Variants in LPA observed in about 807,000 individuals in gnomAD.
The protein encoded by LPA is apolipoprotein(a).
LPA carries 199 observed loss-of-function variants against 197.9 expected under a neutral mutation model. The observed-to-expected ratio is 1.01, with a 90% CI of 0.90 to 1.13. The LOEUF (loss-of-function observed/expected upper bound fraction) is 1.13. Ranked by LOEUF, LPA falls within the 50% of genes most tolerant of loss-of-function variation. LPA has a pLI of 0.00. For missense variants in LPA, 1,853 were observed against 1,785.8 expected, an observed-to-expected ratio of 1.04 and a Z score of -0.68; for synonymous variants, 715 against 639.5, an observed-to-expected ratio of 1.12 and a Z score of -1.78.
intron 36 of LPA, among the ~76,000 whole-genome samples, chr6:160,538,421 C>G (rs989728718): frequency 6.6e-6 from 1 of 152,160 alleles, no homozygotes; most frequent in African/African-American, 2.4e-5. Context: ...ACTTCCTCCT[C>G]GTGAATGTTA....
At chr6:160,610,878 T>A (rs1384789171) in intron 16 of LPA, among the ~76,000 whole-genome samples, 3 of 152,178 alleles carry the variant, frequency 2.0e-5, no homozygotes, top group African/African-American at 7.2e-5. Context: ...TTGTCCCACA[T>A]GTAGAAACCA....
chr6:160,577,587 A>G (rs941064402), intron 27 of LPA, among the ~76,000 whole-genome samples: 4 of 152,198 alleles, frequency 2.6e-5, no homozygotes, highest in African/African-American at 9.6e-5. Flanking sequence ...GGTTTTCATG[A>G]GAACCACAGG....
Position 160,626,447 on chromosome 6 carries a change from AGTTTGTGT to A in LPA, c.1577+1752_1577+1759del, listed in dbSNP as rs1398553706. Among the ~76,000 whole-genome samples, 9 of 98,512 alleles carry A rather than the reference AGTTTGTGT, an allele frequency of 9.1e-5. No individual in the cohort carries two copies. In the South Asian group the frequency reaches 2.0e-3, roughly 22 times the overall value. The allele number at this position is 98,512 out of a possible 152,430, so 64.6% of individuals were successfully genotyped here. A position where few individuals can be genotyped will look rare whatever the true frequency, so the allele number is the denominator to read the frequency against. On this transcript the variant is annotated intron_variant, in intron 10 of 38. Coordinates refer to ENST00000316300, the MANE Select transcript of LPA (RefSeq NM_005577.4). ...TGTGTGTGAGTATGGGTGTGTTTTC[AGTTTGTGT>A]GTGTGTGTGTGTGTGTGTGTGTAGC...
chr6:160,564,334 G>A (rs575296645), intron 28 of LPA, among the ~76,000 whole-genome samples: 1 of 152,264 alleles, frequency 6.6e-6, no homozygotes, highest in South Asian at 2.1e-4. Flanking sequence ...GCTTAGTTTG[G>A]CTGGATATGA....
intron 28 of LPA, among the ~76,000 whole-genome samples, chr6:160,569,750 A>G (rs1778529390): frequency 6.6e-6 from 1 of 152,218 alleles, no homozygotes; most frequent in Admixed American, 6.5e-5. Flanking sequence ...AAGGGCTAAT[A>G]TCCAGAATCT....
chr6:160,595,634 CTT>C (rs34747443), intron 20 of LPA, 99 bp from the exon 21 acceptor site: 286,481 of 1,560,478 alleles, frequency 0.18, 32,047 homozygotes, highest in East Asian at 0.45. Context: ...TAAAAAGAGA[CTT>C]TGAAATATTT....
rs976479942 is a variant in LPA at position 160,532,453 on chromosome 6, C to T, written c.5961+78G>A. 13 of 1,183,924 alleles carry T rather than the reference C, an allele frequency of 1.1e-5. 1 individual carries two copies. Among genetic ancestry groups the T allele is most frequent in the Non-Finnish European group, 1.6e-5 (13 of 793,336 alleles). 73.3% of individuals were successfully genotyped at this position (1,183,924 alleles called of 1,614,324 possible). A position where few individuals can be genotyped will look rare whatever the true frequency, so the allele number is the denominator to read the frequency against. On this transcript the variant is annotated intron_variant, in intron 38 of 38. Transcript: ENST00000316300. ...CACTGACAAAACCTTCCTGAATTTG[C>T]CACTTTGGGACTGACGTCTAAGGGA... is the stretch of plus-strand genomic sequence containing the variant.
At chr6:160,569,089 A>G (rs544836528) in intron 28 of LPA, among the ~76,000 whole-genome samples, 69 of 152,360 alleles carry the variant, frequency 4.5e-4, no homozygotes, top group African/African-American at 1.4e-3. Flanking sequence ...TGCCATCCCC[A>G]TCAAGCTACC....
intron 4 of LPA, among the ~76,000 whole-genome samples, 165 bp from the exon 5 acceptor site, chr6:160,641,013 A>C (rs1341105778): frequency 7.3e-6 from 1 of 136,654 alleles, no homozygotes; most frequent in Admixed American, 7.1e-5. Flanking sequence ...TCGATCACTA[A>C]TCCTCTCTGC....
intron 24 of LPA, 91 bp downstream of exon 24, chr6:160,589,462 T>G (rs1778981338): frequency 6.9e-7 from 1 of 1,455,260 alleles, no homozygotes; most frequent in East Asian, 2.3e-5. Context: ...TGAGAGAAAT[T>G]GGGTCATAAG....
At chr6:160,542,309 G>C (rs1323115155) in intron 34 of LPA, among the ~76,000 whole-genome samples, 1 of 152,156 alleles carries the variant, frequency 6.6e-6, no homozygotes, top group Non-Finnish European at 1.5e-5. Context: ...GTTTGCTCTT[G>C]TCCTCCCTCA....
chr6:160,552,655 C>T (rs779759571), intron 30 of LPA, among the ~76,000 whole-genome samples: 1 of 152,204 alleles, frequency 6.6e-6, no homozygotes, highest in Non-Finnish European at 1.5e-5. Flanking sequence ...TTAATCACCA[C>T]TCCAGCTTAT....
intron 28 of LPA, 113 bp downstream of exon 28, chr6:160,577,023 A>T: frequency 7.2e-7 from 1 of 1,387,726 alleles, no homozygotes; most frequent in Non-Finnish European, 1.0e-6. Context: ...ACATTTTGCC[A>T]AAATGTGAGT....
At chr6:160,561,930 C>A (rs551985742) in intron 28 of LPA, among the ~76,000 whole-genome samples, 3 of 152,166 alleles carry the variant, frequency 2.0e-5, no homozygotes, top group African/African-American at 7.2e-5. Context: ...TATCCTGAGA[C>A]TTTGCTGAAG....
In LPA at chr6:160,595,479, T is replaced by A. The variant is rs1554237108; in HGVS notation, c.3344A>T (p.Tyr1115Phe). 1 of 1,613,822 alleles carries A rather than the reference T, an allele frequency of 6.2e-7. No homozygotes were observed. Among genetic ancestry groups the A allele is most frequent in the South Asian group, 1.1e-5 (1 of 91,064 alleles). Residue 1115 changes from tyrosine to phenylalanine, a missense_variant, in exon 21 of 39, where the codon TAC becomes TTC. Transcript: ENST00000316300. ...NPDAEIRPWC[Y>F]TMDPSVRWEY... ...CCACCTGACACTGGGATCCATGGTG[T>A]AACACCAAGGGCGAATCTCAGCATC...
intron 18 of LPA, 80 bp from the exon 19 acceptor site, chr6:160,601,178 A>T: frequency 8.1e-7 from 1 of 1,237,466 alleles, no homozygotes; most frequent in Non-Finnish European, 1.2e-6. Context: ...CAACAAGGTC[A>T]TTACTGGTGC....
chr6:160,659,289 C>T (rs914777921), intron 1 of LPA, among the ~76,000 whole-genome samples: 2 of 152,146 alleles, frequency 1.3e-5, no homozygotes, highest in African/African-American at 4.8e-5. Flanking sequence ...GGCTGGGGCA[C>T]ACTGGGGTGT....
intron 28 of LPA, among the ~76,000 whole-genome samples, chr6:160,576,334 G>A (rs184110036): frequency 5.7e-5 from 4 of 69,860 alleles, no homozygotes; most frequent in African/African-American, 2.3e-4. Flanking sequence ...GTGTGTGTGT[G>A]TGTGTGTATA....
At chr6:160,584,495 C>T (rs921604612) in intron 26 of LPA, among the ~76,000 whole-genome samples, 3 of 151,732 alleles carry the variant, frequency 2.0e-5, no homozygotes, top group African/African-American at 7.3e-5. Flanking sequence ...CCATGACCGG[C>T]TAATTTTTTA....
Sources: gnomAD v4.1 joint callset for allele counts (sites outside exome capture counted in the v4.1 genomes callset) on GRCh38, gnomAD v4.1.1 for gene constraint, MANE v1.5 for transcripts, NCBI Gene and HGNC (gene_info 2026-07-23, HGNC 2026-07-21) for gene names.